Variants in BBS9 observed in about 807,000 individuals in gnomAD.
BBS9 encodes Bardet-Biedl syndrome 9.
A neutral mutation model predicts 117.7 loss-of-function variants in BBS9; 89 were observed. That is an observed-to-expected ratio of 0.76 (90% confidence interval 0.64 to 0.90). The LOEUF is 0.90. BBS9 is among the 40% of genes least tolerant of loss of function. The probability of loss-of-function intolerance (pLI) is 0.00; values close to 1 mark genes in which losing one functional copy is unlikely to be tolerated. For synonymous variants in BBS9, 379 were observed against 370.9 expected, an observed-to-expected ratio of 1.02 and a Z score of -0.25; for missense variants, 982 against 1,042.2, an observed-to-expected ratio of 0.94 and a Z score of 0.80.
intron 19 of BBS9, among the ~76,000 whole-genome samples, chr7:33,417,348 A>G (rs1012835461): frequency 2.6e-5 from 4 of 152,202 alleles, no homozygotes; most frequent in Middle Eastern, 3.2e-3. Flanking sequence ...ACTAATAGAC[A>G]TACTTTTGGA....
At chr7:33,267,479 TA>T (rs550774271) in intron 7 of BBS9, among the ~76,000 whole-genome samples, 4,329 of 143,794 alleles carry the variant, frequency 0.03, 215 homozygotes, top group African/African-American at 0.1. Flanking sequence ...GTTTTTTTTT[TA>T]AATTCTATTT....
rs561093544 is a variant in BBS9, at chr7:33,289,531, C to G, written c.1016+15575C>G. Among the ~76,000 whole-genome samples the G allele has an allele frequency of 3.3e-5, 5 of 152,076 alleles. No homozygotes were observed. In the East Asian group the frequency reaches 9.7e-4, roughly 29 times the overall value. ...TAGAAATTACTAGTATTTCAGTAGT[C>G]AAAATACAATGAAAAAAATGGTAGT... On this transcript the variant is annotated intron_variant, in intron 9 of 22. Coordinates refer to ENST00000242067, the MANE Select transcript of BBS9 (RefSeq NM_198428.3).
At chr7:33,472,684 G>A (rs916417514) in intron 19 of BBS9, among the ~76,000 whole-genome samples, 21 of 152,148 alleles carry the variant, frequency 1.4e-4, no homozygotes, top group Admixed American at 1.4e-3. Context: ...GAAATTAATG[G>A]CATATTTAAT....
At chr7:33,345,764 G>A (rs1817476267) in intron 12 of BBS9, among the ~76,000 whole-genome samples, 2 of 152,132 alleles carry the variant, frequency 1.3e-5, no homozygotes, top group Non-Finnish European at 2.9e-5. Context: ...TTTGTATAGG[G>A]ACACCTCTTT....
Position 33,605,181 on chromosome 7 carries a change from C to T in BBS9, c.2633-14C>T. 1.2e-6 allele frequency: 2 copies of T among 1,608,336 alleles called. No homozygotes were observed. Among genetic ancestry groups the T allele is most frequent in the South Asian group, 1.1e-5 (1 of 90,944 alleles). On this transcript the variant is annotated splice_polypyrimidine_tract_variant and intron_variant, in intron 22 of 22. Coordinates refer to ENST00000242067, the MANE Select transcript of BBS9 (RefSeq NM_198428.3). ...CTTTTCTCTCTCTTTCTCTCTTACTCTCTTTTTTTCCAGAAGTTTCACCCC... is the reference window on the plus strand; with the variant it reads ...CTTTTCTCTCTCTTTCTCTCTTACTTTCTTTTTTTCCAGAAGTTTCACCCC...
At chr7:33,526,423 T>G (rs947513870) in intron 20 of BBS9, among the ~76,000 whole-genome samples, 28 of 152,246 alleles carry the variant, frequency 1.8e-4, no homozygotes, top group African/African-American at 6.0e-4. Context: ...CATAGTCCCA[T>G]ATTTCTTGGA....
intron 9 of BBS9, among the ~76,000 whole-genome samples, chr7:33,321,213 A>C (rs1449733316): frequency 6.6e-6 from 1 of 152,024 alleles, no homozygotes; most frequent in African/African-American, 2.4e-5. Flanking sequence ...AGCTTTGGCT[A>C]TACTGGGTCT....
At position 33,320,759 on chromosome 7, in the gene BBS9, C is replaced by T. The variant is rs148393239; in HGVS notation, c.1017-15682C>T. Among the ~76,000 whole-genome samples the T allele has an allele frequency of 2.6e-5, 4 of 152,066 alleles. No homozygotes were observed. The East Asian group carries it at 5.8e-4, about 22-fold the overall frequency. ...ATATTTTCCTCAGCATTTGTTATTG[C>T]GTGACTTTTAGATAAAAGCCATTTT... On this transcript the variant is annotated intron_variant, in intron 9 of 22. Coordinates refer to ENST00000242067, the MANE Select transcript of BBS9 (RefSeq NM_198428.3).
chr7:33,510,164 G>T (rs1175752054), intron 20 of BBS9, among the ~76,000 whole-genome samples: 1 of 152,016 alleles, frequency 6.6e-6, no homozygotes, highest in South Asian at 2.1e-4. Context: ...ATAAAGAAGT[G>T]TCACCCAAAA....
chr7:33,565,809 A>ATATATATATATATATATATATATATG (rs1856794126), intron 21 of BBS9, among the ~76,000 whole-genome samples: 1 of 49,490 alleles, frequency 2.0e-5, no homozygotes, highest in Non-Finnish European at 3.2e-5. Context: ...ATATATATAT[A>ATATATATATATATATATATATATATG]TATATATATA....
intron 9 of BBS9, among the ~76,000 whole-genome samples, chr7:33,307,299 G>A (rs1808225438): frequency 6.6e-6 from 1 of 152,138 alleles, no homozygotes; most frequent in African/African-American, 2.4e-5. Flanking sequence ...GGTAGCAGAA[G>A]TAATTAGTAA....
At chr7:33,629,338 T>G (rs1053023132) in intron 21 of BBS9, among the ~76,000 whole-genome samples, 2 of 152,168 alleles carry the variant, frequency 1.3e-5, no homozygotes, top group African/African-American at 4.8e-5. Flanking sequence ...TTGTGTGAGC[T>G]CATTTAAAAA....
intron 19 of BBS9, among the ~76,000 whole-genome samples, chr7:33,414,386 G>A (rs1002085707): frequency 6.6e-6 from 1 of 151,948 alleles, no homozygotes; most frequent in African/African-American, 2.4e-5. Flanking sequence ...TTTAAACAAA[G>A]CTTTTTAAAA....
chr7:33,439,533 CT>C (rs11384028), intron 19 of BBS9, among the ~76,000 whole-genome samples: 14 of 131,378 alleles, frequency 1.1e-4, no homozygotes, highest in Admixed American at 1.5e-4. Context: ...TTTTTATCAC[CT>C]TTTTTTTTTT....
intron 9 of BBS9, among the ~76,000 whole-genome samples, chr7:33,303,522 T>TCCCCCCCCCCCC (rs758450052): frequency 5.2e-5 from 4 of 77,028 alleles, no homozygotes; most frequent in South Asian, 5.2e-4. Flanking sequence ...AATGATCCCC[T>TCCCCCCCCCCCC]CCCCCCGCCC....
intron 17 of BBS9, among the ~76,000 whole-genome samples, chr7:33,377,106 A>T (rs1219395585): frequency 2.6e-5 from 4 of 152,134 alleles, no homozygotes; most frequent in African/African-American, 9.7e-5. Context: ...TGTCTTTGTC[A>T]TGAAATCTTT....
intron 5 of BBS9, among the ~76,000 whole-genome samples, chr7:33,245,960 A>T (rs568895293): frequency 2.6e-5 from 4 of 152,254 alleles, no homozygotes; most frequent in Admixed American, 2.6e-4. Flanking sequence ...TATCTTGTTT[A>T]TGAATTTATA....
intron 21 of BBS9, among the ~76,000 whole-genome samples, chr7:33,631,025 G>T (rs143852254): frequency 6.6e-6 from 1 of 152,316 alleles, no homozygotes; most frequent in African/African-American, 2.4e-5. Context: ...GTGCTACCGA[G>T]GCAAAGCACA....
chr7:33,376,290 T>G (rs74428922), intron 17 of BBS9, among the ~76,000 whole-genome samples: 2,282 of 152,176 alleles, frequency 0.015, 59 homozygotes, highest in African/African-American at 0.051. Context: ...AGTATTTTTT[T>G]TTGTTGTTGT....
Sources: gnomAD v4.1 joint callset for allele counts (sites outside exome capture counted in the v4.1 genomes callset) on GRCh38, gnomAD v4.1.1 for gene constraint, MANE v1.5 for transcripts, NCBI Gene and HGNC (gene_info 2026-07-23, HGNC 2026-07-21) for gene names.